Variants in KCNE3 observed in about 807,000 individuals in gnomAD.
KCNE3 encodes the protein potassium voltage-gated channel subfamily E regulatory subunit 3, also known as potassium voltage-gated channel subfamily E member 3.
KCNE3 carries 2 observed loss-of-function variants against 4.3 expected under a neutral mutation model. The observed-to-expected ratio is 0.47, with a 90% CI of 0.19 to 1.48. KCNE3 has a LOEUF of 1.48. Among genes scored for constraint, KCNE3 ranks in the 40% most tolerant of loss-of-function variants. The pLI is 0.25. For synonymous variants in KCNE3, 47 were observed against 52.0 expected (o/e 0.90, Z 0.41); for missense variants, 128 against 136.8 (o/e 0.94, Z 0.32).
At position 74,467,246 on chromosome 11, in the gene KCNE3, C is replaced by T. The variant is rs1372808639; in HGVS notation, c.-190+152G>A. 6.7e-6 allele frequency among the ~76,000 whole-genome samples: 1 copy of T among 150,032 alleles called. No homozygotes were observed. Among genetic ancestry groups the T allele is most frequent in the Non-Finnish European group, 1.5e-5 (1 of 67,876 alleles). ...ATCGGGGAGGATCCGGGAGGACTAG[C>T]TTGGTATTTGCAGCGCCCACCCCTC... On this transcript the variant is annotated intron_variant, in intron 1 of 2. Transcript: ENST00000310128. This position sits in a 1 kb window ranked among gnomAD's most constrained non-coding sequence, Gnocchi z 4.4.
chr11:74,457,109 C>T lies in KCNE3; in HGVS notation c.*143G>A. ...TCTACCAGCCCCTCTTCTCCCACCCCAGTGACGACCTCCCTTAACCGTGTT... is the reference window on the plus strand; with the variant it reads ...TCTACCAGCCCCTCTTCTCCCACCCTAGTGACGACCTCCCTTAACCGTGTT... On this transcript the variant is annotated 3_prime_UTR_variant, in exon 3 of 3. Coordinates refer to ENST00000310128, the MANE Select transcript of KCNE3 (RefSeq NM_005472.5). 1.2e-6 allele frequency: 1 copy of T among 821,084 alleles called. No homozygotes were observed. 50.9% of individuals were successfully genotyped at this position (821,084 alleles called of 1,614,324 possible). A position where few individuals can be genotyped will look rare whatever the true frequency, so the allele number is the denominator to read the frequency against.
In KCNE3 at chr11:74,457,533, A is replaced by C; in HGVS notation, c.31T>G (p.Tyr11Asp). The C allele has an allele frequency of 6.2e-7, 1 of 1,614,158 alleles. No individual in the cohort carries two copies. Among genetic ancestry groups the C allele is most frequent in the Non-Finnish European group, 8.5e-7 (1 of 1,180,018 alleles). Residue 11 changes from tyrosine to aspartate, a missense_variant, in exon 3 of 3, where the codon TAT (tyrosine) becomes GAT (aspartate). Physicochemically the swap from Tyr to Asp is radical, Grantham distance 160 (BLOSUM62 -3). Transcript: ENST00000310128. Reference sequence around the variant, plus strand: ...TTCAGCACGGCATGCAGGCTCTCATACCAGGTCTCCGTTCCATTGGTAGTC... The same window carrying C: ...TTCAGCACGGCATGCAGGCTCTCATCCCAGGTCTCCGTTCCATTGGTAGTC... METTNGTETWYESLHAVLKAL... is the reference protein window; with the variant it reads METTNGTETWDESLHAVLKAL...
intron 2 of KCNE3, 109 bp from the exon 3 acceptor site, chr11:74,457,712 G>T (rs1863855977): frequency 1.3e-6 from 1 of 752,256 alleles, no homozygotes. Flanking sequence ...GATATGGTTT[G>T]GCTGTGTCCC....
At chr11:74,465,181 G>C (rs1015251710) in intron 1 of KCNE3, among the ~76,000 whole-genome samples, 2 of 152,018 alleles carry the variant, frequency 1.3e-5, no homozygotes, top group Non-Finnish European at 2.9e-5. Context: ...TAAGAGGGCA[G>C]GGTCCTGTGC....
rs1864088726 is a variant in KCNE3 at position 74,467,527 on chromosome 11, C to G, written c.-319G>C. On this transcript the variant is annotated 5_prime_UTR_variant, in exon 1 of 3. Coordinates refer to ENST00000310128, the MANE Select transcript of KCNE3 (RefSeq NM_005472.5). This position sits in a 1 kb window ranked among gnomAD's most constrained non-coding sequence, Gnocchi z 4.4. The stretch of plus-strand genomic sequence containing the variant: ...GTTCCACTCCGCGGGTGCCCAGCAC[C>G]GCCCAGCGCGCTCTCTGGCTCTGGG... 1 of 152,760 alleles carries G rather than the reference C, an allele frequency of 6.5e-6. No individual in the cohort carries two copies. 9.5% of individuals were successfully genotyped at this position (152,760 alleles called of 1,614,324 possible).
chr11:74,459,418 C>T (rs186328564), intron 2 of KCNE3, among the ~76,000 whole-genome samples: 707 of 152,022 alleles, frequency 4.7e-3, no homozygotes, highest in African/African-American at 0.016. Flanking sequence ...CCCGCCATCA[C>T]GCCAGGCTAA....
At chr11:74,459,463 C>T (rs998601941) in intron 2 of KCNE3, among the ~76,000 whole-genome samples, 3 of 151,986 alleles carry the variant, frequency 2.0e-5, no homozygotes, top group African/African-American at 2.4e-5. Context: ...AGGGTTTCAC[C>T]ATGTTAGCCA....
intron 2 of KCNE3, among the ~76,000 whole-genome samples, chr11:74,458,711 G>C (rs764211104): frequency 2.0e-5 from 3 of 152,028 alleles, no homozygotes; most frequent in Non-Finnish European, 4.4e-5. Context: ...TGAGCGCTTG[G>C]TAATCCCAGC....
At chr11:74,462,986 CA>C (rs1383889170) in intron 1 of KCNE3, 1 of 152,208 alleles carries the variant, frequency 6.6e-6, no homozygotes, top group Non-Finnish European at 1.5e-5. Context: ...TAGAGCTTCT[CA>C]AATCCCAAGA....
intron 1 of KCNE3, among the ~76,000 whole-genome samples, chr11:74,464,712 C>G (rs1205580755): frequency 1.3e-5 from 2 of 152,168 alleles, no homozygotes; most frequent in African/African-American, 2.4e-5. Context: ...CTATAAGTTC[C>G]CTTCTGCCAG....
rs762915607 is a variant in KCNE3, at chr11:74,457,206, G to A, written c.*46C>T. On this transcript the variant is annotated 3_prime_UTR_variant, in exon 3 of 3. Coordinates refer to ENST00000310128, the MANE Select transcript of KCNE3 (RefSeq NM_005472.5). ...CAGCAGAGTTCTGGAGGCCCCAGAC[G>A]CAATCCCCAGGTGTCTTGGTCTTCC... 9 of 1,570,796 alleles carry A rather than the reference G, an allele frequency of 5.7e-6. No individual in the cohort carries two copies. Among genetic ancestry groups the A allele is most frequent in the South Asian group, 2.3e-5 (2 of 88,430 alleles).
In KCNE3 at chr11:74,457,057, A is replaced by G; in HGVS notation, c.*195T>C. 3.2e-6 allele frequency: 2 copies of G among 618,082 alleles called. No individual in the cohort carries two copies. Among genetic ancestry groups the G allele is most frequent in the South Asian group, 1.9e-5 (1 of 51,846 alleles). 38.3% of individuals were successfully genotyped at this position (618,082 alleles called of 1,614,324 possible). On this transcript the variant is annotated 3_prime_UTR_variant, in exon 3 of 3. Transcript: ENST00000310128. Reference sequence around the variant, plus strand: ...TTTATAAAGTCTATCTTTTCCTGGGAAAAAATCCTTATGCACAAGGCTTCG... The same window carrying G: ...TTTATAAAGTCTATCTTTTCCTGGGGAAAAATCCTTATGCACAAGGCTTCG...
intron 2 of KCNE3, among the ~76,000 whole-genome samples, chr11:74,458,584 G>A (rs1210508339): frequency 6.6e-6 from 1 of 152,232 alleles, no homozygotes; most frequent in East Asian, 1.9e-4. Flanking sequence ...TGTAATCCCA[G>A]CACTTTGGGA....
chr11:74,465,323 A>G (rs1157930333), intron 1 of KCNE3, among the ~76,000 whole-genome samples: 1 of 152,124 alleles, frequency 6.6e-6, no homozygotes, highest in African/African-American at 2.4e-5. Flanking sequence ...AGTTTACAAT[A>G]TTTAAAAAGC....
intron 1 of KCNE3, among the ~76,000 whole-genome samples, chr11:74,466,067 G>A (rs1411987308): frequency 6.6e-6 from 1 of 152,052 alleles, no homozygotes; most frequent in Admixed American, 6.6e-5. Flanking sequence ...ATCATTGAGG[G>A]GTACCATTCT....
intron 1 of KCNE3, among the ~76,000 whole-genome samples, chr11:74,464,100 G>C (rs778922239): frequency 6.6e-6 from 1 of 152,176 alleles, no homozygotes; most frequent in South Asian, 2.1e-4. Context: ...CTCTGTTCCT[G>C]CTATTTCCCA....
At chr11:74,463,590 G>C (rs1286643941) in intron 1 of KCNE3, among the ~76,000 whole-genome samples, 1 of 152,126 alleles carries the variant, frequency 6.6e-6, no homozygotes, top group Non-Finnish European at 1.5e-5. Flanking sequence ...CCCTGGAGAG[G>C]TCTTGCCTTG....
At position 74,464,939 on chromosome 11, in the gene KCNE3, A is replaced by C. The variant is rs1371011471; in HGVS notation, c.-190+2459T>G. Reference sequence around the variant, plus strand: ...CCCTTCCTCTTTTTACCTGCCTGGCAAACTCCTACTCATCCTTCAAGACCC... The same window carrying C: ...CCCTTCCTCTTTTTACCTGCCTGGCCAACTCCTACTCATCCTTCAAGACCC... On this transcript the variant is annotated intron_variant, in intron 1 of 2. Coordinates refer to ENST00000310128, the MANE Select transcript of KCNE3 (RefSeq NM_005472.5). 3.9e-5 allele frequency among the ~76,000 whole-genome samples: 6 copies of C among 152,314 alleles called. No individual in the cohort carries two copies. The South Asian group carries it at 1.0e-3, about 26-fold the overall frequency.
chr11:74,466,027 T>C (rs1050620526), intron 1 of KCNE3, among the ~76,000 whole-genome samples: 4 of 152,284 alleles, frequency 2.6e-5, no homozygotes, highest in African/African-American at 9.6e-5. Flanking sequence ...TCCTGTTTCC[T>C]ACCCTCTATG....
Sources: gnomAD v4.1 joint callset for allele counts (sites outside exome capture counted in the v4.1 genomes callset) on GRCh38, gnomAD v4.1.1 for gene constraint, Gnocchi (gnomAD v3.1) non-coding constraint, MANE v1.5 for transcripts, NCBI Gene and HGNC (gene_info 2026-07-23, HGNC 2026-07-21) for gene names.